BRINP3: variants seen among roughly 807,000 people sequenced by gnomAD.
The protein encoded by BRINP3 is BMP/retinoic acid-inducible neural-specific protein 3.
A neutral mutation model predicts 71.0 loss-of-function variants in BRINP3; 19 were observed. The observed-to-expected ratio is 0.27, with a 90% CI of 0.19 to 0.39. The LOEUF is 0.39. BRINP3 is among the 10% of genes least tolerant of loss of function. The pLI is 1.00. For synonymous variants in BRINP3, 380 were observed against 337.7 expected, an observed-to-expected ratio of 1.13 and a Z score of -1.37; for missense variants, 959 against 940.8, an observed-to-expected ratio of 1.02 and a Z score of -0.25.
rs184964830 is a variant in BRINP3 at position 190,347,404 on chromosome 1, T to A, written c.237-65654A>T. 2.1e-3 allele frequency among the ~76,000 whole-genome samples: 318 copies of A among 152,274 alleles called. 3 individuals carry two copies. Among genetic ancestry groups the A allele is most frequent in the African/African-American group, 6.6e-3 (275 of 41,574 alleles). ...ATCCGCCCACCTTGGCCTCCCAAAGTGCTGGGATTACAGGCATGAGCCACC... is the reference window on the plus strand; with the variant it reads ...ATCCGCCCACCTTGGCCTCCCAAAGAGCTGGGATTACAGGCATGAGCCACC... On this transcript the variant is annotated intron_variant, in intron 2 of 7. Transcript: ENST00000367462.
chr1:190,192,310 T>C (rs926956691), intron 6 of BRINP3, among the ~76,000 whole-genome samples: 1 of 152,170 alleles, frequency 6.6e-6, no homozygotes, highest in Non-Finnish European at 1.5e-5. Flanking sequence ...TAATTTTAGA[T>C]CAAATCAATC....
At chr1:190,283,315 A>G (rs916456863) in intron 2 of BRINP3, among the ~76,000 whole-genome samples, 2 of 151,960 alleles carry the variant, frequency 1.3e-5, no homozygotes, top group African/African-American at 4.8e-5. Flanking sequence ...ATTCTGATTC[A>G]TTAGGTATTA....
chr1:190,309,595 A>T (rs1367067386), intron 2 of BRINP3, among the ~76,000 whole-genome samples: 1 of 151,810 alleles, frequency 6.6e-6, no homozygotes, highest in African/African-American at 2.4e-5. Flanking sequence ...ATGATCGAAG[A>T]TTTTTATTTT....
intron 2 of BRINP3, among the ~76,000 whole-genome samples, chr1:190,300,344 G>A (rs10920690): frequency 0.14 from 21,554 of 151,884 alleles, 2,025 homozygotes; most frequent in South Asian, 0.27. Flanking sequence ...GATCGCATCG[G>A]CTCCTGAGGC....
chr1:190,148,463 G>A (rs1656094566), intron 7 of BRINP3, among the ~76,000 whole-genome samples: 1 of 151,722 alleles, frequency 6.6e-6, no homozygotes, highest in Admixed American at 6.6e-5. Context: ...GGGCGTGGTG[G>A]CGGGCGCCTG....
intron 2 of BRINP3, among the ~76,000 whole-genome samples, chr1:190,419,946 G>A (rs764436524): frequency 2.6e-5 from 4 of 151,882 alleles, no homozygotes; most frequent in Non-Finnish European, 4.4e-5. Context: ...TTTCTTGAGA[G>A]GTTATACAAA....
intron 3 of BRINP3, 44 bp from the exon 4 acceptor site, chr1:190,265,099 T>C (rs775976145): frequency 8.7e-5 from 134 of 1,540,622 alleles, no homozygotes; most frequent in Non-Finnish European, 1.2e-4. Context: ...CCACTTAAAA[T>C]CTTTTTTTTT....
chr1:190,305,474 A>C (rs905511301), intron 2 of BRINP3, among the ~76,000 whole-genome samples: 3 of 151,852 alleles, frequency 2.0e-5, no homozygotes, highest in African/African-American at 7.2e-5. Flanking sequence ...AGTATATTAC[A>C]TTAAGTGAGC....
intron 4 of BRINP3, among the ~76,000 whole-genome samples, chr1:190,237,687 TATC>T (rs1658658339): frequency 6.6e-6 from 1 of 151,988 alleles, no homozygotes; most frequent in African/African-American, 2.4e-5. Flanking sequence ...AGCACACAAA[TATC>T]ATGGCCTTTA....
intron 2 of BRINP3, among the ~76,000 whole-genome samples, chr1:190,444,425 A>G (rs904562923): frequency 6.6e-6 from 1 of 151,810 alleles, no homozygotes; most frequent in African/African-American, 2.4e-5. Flanking sequence ...CTTCATACCA[A>G]TAATCAGTTA....
rs1225833182 is a variant in BRINP3, at chr1:190,337,215, AC to A, written c.237-55466del. Among the ~76,000 whole-genome samples, 14 of 152,118 alleles carry A rather than the reference AC, an allele frequency of 9.2e-5. No individual in the cohort carries two copies. In the East Asian group the frequency reaches 2.5e-3, roughly 27 times the overall value. ...CCCCACTCCTACTCCCAGAAAAAAA[AC>A]GGATGGAAACTGAGTAGTGTTTTCC... On this transcript the variant is annotated intron_variant, in intron 2 of 7. Coordinates refer to ENST00000367462, the MANE Select transcript of BRINP3 (RefSeq NM_199051.3).
At chr1:190,354,945 C>T (rs1668636335) in intron 2 of BRINP3, among the ~76,000 whole-genome samples, 1 of 151,660 alleles carries the variant, frequency 6.6e-6, no homozygotes, top group Admixed American at 6.6e-5. Flanking sequence ...ATATTTGAGG[C>T]TCCATATATT....
At chr1:190,312,677 C>A (rs1052611003) in intron 2 of BRINP3, among the ~76,000 whole-genome samples, 2 of 151,686 alleles carry the variant, frequency 1.3e-5, no homozygotes, top group Non-Finnish European at 3.0e-5. Context: ...AAAAGAAGAT[C>A]AAGATAAAAT....
intron 2 of BRINP3, among the ~76,000 whole-genome samples, chr1:190,416,719 T>A (rs1484184931): frequency 1.3e-5 from 2 of 152,164 alleles, no homozygotes; most frequent in African/African-American, 4.8e-5. Context: ...TCCCATATTA[T>A]CTAAATAATA....
At chr1:190,101,789 T>C (rs17375108) in intron 7 of BRINP3, among the ~76,000 whole-genome samples, 15,100 of 152,110 alleles carry the variant, frequency 0.099, 839 homozygotes, top group Middle Eastern at 0.13. Context: ...AAACAAAAAA[T>C]GAAATTAATA....
chr1:190,223,154 T>C (rs995174485), intron 6 of BRINP3, among the ~76,000 whole-genome samples: 13 of 151,836 alleles, frequency 8.6e-5, no homozygotes, highest in African/African-American at 3.1e-4. Flanking sequence ...AAGGTAATAC[T>C]CCAAACTCAT....
At chr1:190,252,889 G>A (rs558078057) in intron 4 of BRINP3, among the ~76,000 whole-genome samples, 14 of 151,970 alleles carry the variant, frequency 9.2e-5, no homozygotes, top group East Asian at 3.9e-4. Flanking sequence ...CCATTAACTC[G>A]TCATTTACAT....
intron 3 of BRINP3, among the ~76,000 whole-genome samples, chr1:190,268,520 C>T (rs1422202985): frequency 6.6e-6 from 1 of 152,126 alleles, no homozygotes. Flanking sequence ...CCCACAGTTG[C>T]TTCTATTATT....
chr1:190,258,291 G>A (rs887374055), intron 4 of BRINP3, among the ~76,000 whole-genome samples: 1 of 152,192 alleles, frequency 6.6e-6, no homozygotes, highest in Non-Finnish European at 1.5e-5. Flanking sequence ...ACCTCACTGA[G>A]CCAGGCACGG....
Sources: gnomAD v4.1 joint callset for allele counts (sites outside exome capture counted in the v4.1 genomes callset) on GRCh38, gnomAD v4.1.1 for gene constraint, MANE v1.5 for transcripts, NCBI Gene and HGNC (gene_info 2026-07-23, HGNC 2026-07-21) for gene names.